Variants in CFAP299 observed in about 807,000 individuals in gnomAD.
CFAP299 encodes the protein cilia and flagella associated protein 299.
CFAP299 carries 21 observed loss-of-function variants against 27.0 expected under a neutral mutation model. That is an observed-to-expected ratio of 0.78 (90% confidence interval 0.55 to 1.12). CFAP299 has a LOEUF of 1.12. Ranked by LOEUF, CFAP299 falls within the 50% of genes most tolerant of loss-of-function variation. CFAP299 has a pLI of 0.00. For missense variants in CFAP299, 310 were observed against 276.6 expected, an observed-to-expected ratio of 1.12 and a Z score of -0.86; for synonymous variants, 104 against 98.1, an observed-to-expected ratio of 1.06 and a Z score of -0.36.
chr4:80,805,882 G>C (rs1331872336), intron 3 of CFAP299, among the ~76,000 whole-genome samples: 2 of 151,168 alleles, frequency 1.3e-5, no homozygotes, highest in Admixed American at 1.3e-4. Flanking sequence ...TCTCAAAAAA[G>C]TATTTAAAAA....
chr4:80,900,370 A>G (rs564361086), intron 4 of CFAP299, among the ~76,000 whole-genome samples: 1 of 152,274 alleles, frequency 6.6e-6, no homozygotes, highest in Admixed American at 6.5e-5. Flanking sequence ...CAGAAATAAT[A>G]TTAACATAGC....
chr4:80,771,768 C>A (rs888127907), intron 3 of CFAP299, among the ~76,000 whole-genome samples: 17 of 152,044 alleles, frequency 1.1e-4, no homozygotes, highest in Non-Finnish European at 1.5e-5. Flanking sequence ...GTAATATGGA[C>A]AAGTGGAAGG....
intron 3 of CFAP299, among the ~76,000 whole-genome samples, chr4:80,843,068 T>TA (rs974088016): frequency 7.5e-4 from 113 of 151,192 alleles, no homozygotes; most frequent in African/African-American, 2.2e-3. Flanking sequence ...TCTTCTTTTT[T>TA]TATATATATA....
chr4:80,350,076 A>G (rs1428857968), intron 1 of CFAP299, among the ~76,000 whole-genome samples: 2 of 152,230 alleles, frequency 1.3e-5, no homozygotes, highest in Non-Finnish European at 2.9e-5. Flanking sequence ...GATAATAACA[A>G]AAGACATAAA....
intron 2 of CFAP299, among the ~76,000 whole-genome samples, chr4:80,481,148 C>T (rs1730545958): frequency 6.6e-6 from 1 of 151,930 alleles, no homozygotes; most frequent in African/African-American, 2.4e-5. Flanking sequence ...AACAGACTTT[C>T]TATGGATTTT....
chr4:80,635,626 GAATTAA>G (rs1292969870), intron 3 of CFAP299, among the ~76,000 whole-genome samples: 1 of 151,922 alleles, frequency 6.6e-6, no homozygotes, highest in Non-Finnish European at 1.5e-5. Flanking sequence ...TTTATCCTTG[GAATTAA>G]AATTAATAAG....
intron 3 of CFAP299, among the ~76,000 whole-genome samples, chr4:80,712,862 C>G (rs1037895361): frequency 2.0e-5 from 3 of 152,084 alleles, no homozygotes; most frequent in African/African-American, 7.2e-5. Flanking sequence ...CAATATTTTG[C>G]TTCAAACCTG....
chr4:80,891,524 C>G (rs1484447428), intron 4 of CFAP299, among the ~76,000 whole-genome samples: 1 of 136,146 alleles, frequency 7.3e-6, no homozygotes, highest in Non-Finnish European at 1.5e-5. Flanking sequence ...AACAAAAAAC[C>G]AAACACCGCA....
intron 4 of CFAP299, among the ~76,000 whole-genome samples, chr4:80,900,906 A>G (rs539734448): frequency 6.6e-6 from 1 of 152,186 alleles, no homozygotes; most frequent in South Asian, 2.1e-4. Flanking sequence ...CTGAGGATCA[A>G]TATGGTATTG....
intron 3 of CFAP299, among the ~76,000 whole-genome samples, chr4:80,738,820 T>C (rs1724076358): frequency 6.6e-6 from 1 of 152,020 alleles, no homozygotes; most frequent in Non-Finnish European, 1.5e-5. Flanking sequence ...TCTTCTTTCC[T>C]TTCTTCCTGG....
intron 4 of CFAP299, among the ~76,000 whole-genome samples, chr4:80,881,981 C>G (rs1733727458): frequency 6.6e-6 from 1 of 151,638 alleles, no homozygotes; most frequent in Non-Finnish European, 1.5e-5. Context: ...CTAGAGGCCT[C>G]AACAGCAGAT....
intron 3 of CFAP299, among the ~76,000 whole-genome samples, chr4:80,723,169 C>T (rs1722937010): frequency 6.6e-6 from 1 of 151,864 alleles, no homozygotes; most frequent in Non-Finnish European, 1.5e-5. Context: ...ATGGTACCAT[C>T]GCTTAGGTGA....
chr4:80,591,278 T>G (rs1387073683), intron 3 of CFAP299, among the ~76,000 whole-genome samples: 2 of 150,496 alleles, frequency 1.3e-5, no homozygotes, highest in Non-Finnish European at 1.5e-5. Flanking sequence ...CGCCCGCCAC[T>G]ACGCCCGGCT....
At chr4:80,931,276 C>T (rs1350712664) in intron 4 of CFAP299, among the ~76,000 whole-genome samples, 2 of 152,018 alleles carry the variant, frequency 1.3e-5, no homozygotes, top group African/African-American at 4.8e-5. Flanking sequence ...TCCTGTAGGC[C>T]TGCAGGAAAA....
At chr4:80,885,280 G>A (rs1000429841) in intron 4 of CFAP299, among the ~76,000 whole-genome samples, 4 of 152,134 alleles carry the variant, frequency 2.6e-5, no homozygotes, top group African/African-American at 9.7e-5. Context: ...AACTTGAAAG[G>A]CAGTCTAGGA....
At chr4:80,911,184 T>C (rs1410395658) in intron 4 of CFAP299, among the ~76,000 whole-genome samples, 1 of 151,460 alleles carries the variant, frequency 6.6e-6, no homozygotes, top group African/African-American at 2.4e-5. Context: ...GCTGTTCCTT[T>C]ATTTCAAAGT....
intron 1 of CFAP299, among the ~76,000 whole-genome samples, chr4:80,355,881 C>T (rs1723248941): frequency 6.6e-6 from 1 of 152,070 alleles, no homozygotes; most frequent in South Asian, 2.1e-4. Context: ...GTTGCAGTTG[C>T]TTTTGTGATT....
intron 3 of CFAP299, among the ~76,000 whole-genome samples, chr4:80,715,018 T>C (rs2110040120): frequency 6.6e-6 from 1 of 152,254 alleles, no homozygotes; most frequent in East Asian, 1.9e-4. Context: ...TCCACAGGGC[T>C]GACTCTTGGC....
chr4:80,558,580 C>A (rs1734895487), intron 2 of CFAP299, among the ~76,000 whole-genome samples: 1 of 151,530 alleles, frequency 6.6e-6, no homozygotes. Flanking sequence ...AAAATAACTC[C>A]ACCAAATAAG....
Sources: allele counts gnomAD v4.1 joint callset (sites outside exome capture counted in the v4.1 genomes callset), GRCh38; gene constraint gnomAD v4.1.1; transcripts MANE v1.5; gene names NCBI Gene and HGNC (gene_info 2026-07-23, HGNC 2026-07-21).